Variants in PAPSS1 observed in about 807,000 individuals in gnomAD.
PAPSS1 encodes the protein bifunctional 3'-phosphoadenosine 5'-phosphosulfate synthase 1.
PAPSS1 carries 50 observed loss-of-function variants against 72.0 expected under a neutral mutation model. That is an observed-to-expected ratio of 0.69 (90% confidence interval 0.55 to 0.88). The LOEUF (loss-of-function observed/expected upper bound fraction) is 0.88, where lower values mean the gene tolerates loss of function less well. Ranked by LOEUF, PAPSS1 falls within the 40% of genes least tolerant of loss-of-function variation. The pLI is 0.00. For missense variants in PAPSS1, 657 were observed against 782.2 expected (o/e 0.84, Z 1.91); for synonymous variants, 261 against 263.6 (o/e 0.99, Z 0.09).
At chr4:107,663,748 C>G (rs956796312) in intron 5 of PAPSS1, among the ~76,000 whole-genome samples, 2 of 152,188 alleles carry the variant, frequency 1.3e-5, no homozygotes, top group African/African-American at 4.8e-5. Flanking sequence ...CTCATAGAAT[C>G]CTCTGCACAA....
intron 6 of PAPSS1, among the ~76,000 whole-genome samples, chr4:107,659,483 A>T (rs1246910836): frequency 6.6e-6 from 1 of 152,170 alleles, no homozygotes; most frequent in Non-Finnish European, 1.5e-5. Flanking sequence ...CATTCTCATC[A>T]TGCTTAACTA....
intron 6 of PAPSS1, among the ~76,000 whole-genome samples, chr4:107,659,383 T>C (rs904565596): frequency 9.9e-5 from 15 of 152,230 alleles, no homozygotes; most frequent in Non-Finnish European, 1.8e-4. Context: ...CTAGTCCAAA[T>C]ACTTATTTTT....
intron 5 of PAPSS1, among the ~76,000 whole-genome samples, chr4:107,669,939 C>G (rs1727425979): frequency 6.6e-6 from 1 of 152,170 alleles, no homozygotes; most frequent in African/African-American, 2.4e-5. Context: ...ATTCTAGATG[C>G]AGAATCCAAC....
intron 11 of PAPSS1, among the ~76,000 whole-genome samples, chr4:107,618,665 T>C (rs1262728088): frequency 6.6e-6 from 1 of 152,072 alleles, no homozygotes; most frequent in African/African-American, 2.4e-5. Context: ...GGTCTTAATT[T>C]TCTCAATAAA....
intron 10 of PAPSS1, among the ~76,000 whole-genome samples, chr4:107,643,012 TC>T (rs1476351165): frequency 6.6e-6 from 1 of 152,036 alleles, no homozygotes; most frequent in Non-Finnish European, 1.5e-5. Flanking sequence ...AGAGCAAAAA[TC>T]TGTAAAGTGC....
At chr4:107,676,731 AT>A (rs1578415311) in intron 5 of PAPSS1, among the ~76,000 whole-genome samples, 1 of 152,232 alleles carries the variant, frequency 6.6e-6, no homozygotes, top group Admixed American at 6.5e-5. Flanking sequence ...TGCCAAGTCA[AT>A]CCTAAGCCAA....
chr4:107,614,987 A>G (rs1333500691), intron 11 of PAPSS1, among the ~76,000 whole-genome samples: 1 of 152,000 alleles, frequency 6.6e-6, no homozygotes, highest in Non-Finnish European at 1.5e-5. Flanking sequence ...TTTTTCAAGA[A>G]AACACTAAAT....
At position 107,620,055 on chromosome 4, in the gene PAPSS1, G is replaced by A. The variant is rs893283761; in HGVS notation, c.1737-5668C>T. ...TCACTCCACATACATGGCCATCAGA[G>A]CCACCATTACAAGTTGCTCACATGG... On this transcript the variant is annotated intron_variant, in intron 11 of 11. Coordinates refer to ENST00000265174, the MANE Select transcript of PAPSS1 (RefSeq NM_005443.5). 2.6e-5 allele frequency among the ~76,000 whole-genome samples: 4 copies of A among 152,178 alleles called. No homozygotes were observed. In the East Asian group the frequency reaches 5.8e-4, roughly 22 times the overall value.
chr4:107,638,466 C>A (rs1306891644), intron 10 of PAPSS1, among the ~76,000 whole-genome samples: 1 of 152,140 alleles, frequency 6.6e-6, no homozygotes, highest in Non-Finnish European at 1.5e-5. Context: ...GAACAACCAG[C>A]AACCAAACTA....
chr4:107,702,150 C>CTA (rs1433260816), intron 1 of PAPSS1, among the ~76,000 whole-genome samples: 1 of 152,088 alleles, frequency 6.6e-6, no homozygotes. Context: ...TTTGCACCCA[C>CTA]TAGGATAGCT....
At chr4:107,671,766 T>C (rs765270809) in intron 5 of PAPSS1, among the ~76,000 whole-genome samples, 32 of 152,208 alleles carry the variant, frequency 2.1e-4, no homozygotes, top group Non-Finnish European at 4.3e-4. Flanking sequence ...TCATATCATC[T>C]CTGGATTACA....
intron 2 of PAPSS1, among the ~76,000 whole-genome samples, chr4:107,694,972 G>C (rs147587564): frequency 2.0e-5 from 3 of 152,146 alleles, no homozygotes; most frequent in African/African-American, 4.8e-5. Flanking sequence ...ATAGAAGAGA[G>C]GGCTTTTTTT....
At chr4:107,624,090 A>T (rs1726034847) in intron 11 of PAPSS1, among the ~76,000 whole-genome samples, 1 of 152,154 alleles carries the variant, frequency 6.6e-6, no homozygotes, top group African/African-American at 2.4e-5. Context: ...GCTCCTGAAT[A>T]TCTCATCATC....
chr4:107,627,530 G>A (rs1466194870), intron 11 of PAPSS1, among the ~76,000 whole-genome samples: 2 of 152,086 alleles, frequency 1.3e-5, no homozygotes, highest in African/African-American at 2.4e-5. Flanking sequence ...TTAAAGTGGG[G>A]AGCTTTTAAA....
chr4:107,640,197 A>G (rs1726498498), intron 10 of PAPSS1, among the ~76,000 whole-genome samples: 1 of 152,204 alleles, frequency 6.6e-6, no homozygotes, highest in Non-Finnish European at 1.5e-5. Context: ...ATAGTCAATT[A>G]ATACCTCACA....
rs2110302427 is a variant in PAPSS1 at position 107,631,674 on chromosome 4, A to G, written c.1693T>C (p.Tyr565His). 1 of 1,614,010 alleles carries G rather than the reference A, an allele frequency of 6.2e-7. No homozygotes were observed. Among genetic ancestry groups the G allele is most frequent in the South Asian group, 1.1e-5 (1 of 91,076 alleles). The change falls in exon 11 of 12, where the codon TAC becomes CAC. Residue 565 changes from tyrosine to histidine, a missense_variant. Physicochemically the swap from Tyr to His is moderately conservative, Grantham distance 83 (BLOSUM62 2). Around this residue, in one of 7 missense-constraint regions of PAPSS1, gnomAD observed 103 missense variants for 93.8 expected, o/e 1.10. Coordinates refer to ENST00000265174, the MANE Select transcript of PAPSS1 (RefSeq NM_005443.5). Reference sequence around the variant, plus strand: ...TCCATACGCTTCTTTTTCTTGTTGTAAGCTGCAACTCGAAAGGGAACTATT... The same window carrying G: ...TCCATACGCTTCTTTTTCTTGTTGTGAGCTGCAACTCGAAAGGGAACTATT... ...LEIVPFRVAA[Y>H]NKKKKRMDYY...
At chr4:107,669,752 T>C (rs1727423496) in intron 5 of PAPSS1, among the ~76,000 whole-genome samples, 1 of 152,194 alleles carries the variant, frequency 6.6e-6, no homozygotes, top group Non-Finnish European at 1.5e-5. Flanking sequence ...TTGCATTTCT[T>C]CTTTTGTCAC....
chr4:107,651,779 C>T (rs768507166), intron 9 of PAPSS1, among the ~76,000 whole-genome samples: 2 of 152,192 alleles, frequency 1.3e-5, no homozygotes, highest in Non-Finnish European at 1.5e-5. Context: ...TGGGAGGACA[C>T]AGCCAAACCG....
At chr4:107,646,310 T>TATAC (rs1202461137) in intron 9 of PAPSS1, among the ~76,000 whole-genome samples, 73 of 100,042 alleles carry the variant, frequency 7.3e-4, no homozygotes, top group African/African-American at 2.1e-3. Flanking sequence ...TATATATATA[T>TATAC]ACACACACAC....
Sources: gnomAD v4.1 joint callset for allele counts (sites outside exome capture counted in the v4.1 genomes callset) on GRCh38, gnomAD v4.1.1 for gene constraint, gnomAD v4.1.1 regional missense constraint, MANE v1.5 for transcripts, NCBI Gene and HGNC (gene_info 2026-07-23, HGNC 2026-07-21) for gene names.